TRERF1: variants seen among roughly 807,000 people sequenced by gnomAD.
TRERF1 encodes the protein transcriptional-regulating factor 1.
TRERF1 carries 27 observed loss-of-function variants against 122.9 expected under a neutral mutation model. The ratio of observed to expected loss-of-function variants is 0.22; its 90% CI spans 0.16 to 0.30. The LOEUF is 0.30. TRERF1 is among the 10% of genes least tolerant of loss of function. The pLI is 1.00. For missense variants in TRERF1, 1,248 were observed against 1,560.3 expected (o/e 0.80, Z 3.37); for synonymous variants, 636 against 641.7 (o/e 0.99, Z 0.13).
chr6:42,408,281 ACACATGTG>A (rs1314693666), intron 2 of TRERF1, among the ~76,000 whole-genome samples: 1 of 140,992 alleles, frequency 7.1e-6, no homozygotes, highest in East Asian at 2.0e-4. Context: ...ATATATACAT[ACACATGTG>A]TGTGTATGTA....
intron 13 of TRERF1, among the ~76,000 whole-genome samples, chr6:42,250,471 A>G (rs919758539): frequency 3.9e-5 from 6 of 152,164 alleles, no homozygotes; most frequent in African/African-American, 1.4e-4. Flanking sequence ...CCTCGTTCTT[A>G]GACAAGGTTC....
chr6:42,428,039 A>C (rs904118955), intron 2 of TRERF1, among the ~76,000 whole-genome samples: 2 of 152,148 alleles, frequency 1.3e-5, no homozygotes, highest in Non-Finnish European at 2.9e-5. Flanking sequence ...TTGGCATGAC[A>C]TCTAGGGCCG....
intron 3 of TRERF1, among the ~76,000 whole-genome samples, chr6:42,320,533 T>C (rs1183614353): frequency 1.5e-5 from 2 of 137,460 alleles, no homozygotes; most frequent in Non-Finnish European, 3.0e-5. Context: ...TGAGACTGAG[T>C]CTCGCTCTTT....
chr6:42,327,139 T>A (rs547283839), intron 3 of TRERF1, among the ~76,000 whole-genome samples: 2 of 152,294 alleles, frequency 1.3e-5, no homozygotes, highest in Admixed American at 6.5e-5. Flanking sequence ...TAGAGGTCAA[T>A]AGTGGCTGAT....
intron 2 of TRERF1, among the ~76,000 whole-genome samples, chr6:42,408,364 T>C (rs566656655): frequency 6.8e-5 from 6 of 88,646 alleles, no homozygotes; most frequent in East Asian, 3.3e-4. Context: ...TGTATATATA[T>C]ATATATATCT....
intron 16 of TRERF1, among the ~76,000 whole-genome samples, chr6:42,234,450 G>A (rs1374098789): frequency 6.6e-6 from 1 of 151,634 alleles, no homozygotes; most frequent in Non-Finnish European, 1.5e-5. Flanking sequence ...CGATTCTCCT[G>A]CCTTAGCCTC....
intron 2 of TRERF1, among the ~76,000 whole-genome samples, chr6:42,406,137 G>A (rs553312511): frequency 1.1e-4 from 17 of 152,220 alleles, no homozygotes; most frequent in Non-Finnish European, 2.1e-4. Flanking sequence ...AGAAACTGAG[G>A]CTCAGAAAAG....
intron 8 of TRERF1, among the ~76,000 whole-genome samples, chr6:42,261,435 G>A (rs1449824190): frequency 1.3e-5 from 2 of 152,136 alleles, no homozygotes; most frequent in African/African-American, 4.8e-5. Flanking sequence ...GTCATATATG[G>A]TTGTCACTTG....
intron 2 of TRERF1, among the ~76,000 whole-genome samples, chr6:42,450,201 G>A (rs1041468018): frequency 1.4e-4 from 22 of 152,154 alleles, no homozygotes; most frequent in Non-Finnish European, 1.5e-4. Flanking sequence ...ACTTCCTATC[G>A]CCAAACTCCT....
chr6:42,327,185 A>T (rs1362150356), intron 3 of TRERF1, among the ~76,000 whole-genome samples: 2 of 152,090 alleles, frequency 1.3e-5, no homozygotes, highest in Admixed American at 1.3e-4. Context: ...GGAGAAGGGG[A>T]TGTGCTTGTT....
intron 3 of TRERF1, among the ~76,000 whole-genome samples, chr6:42,304,067 T>C (rs1786723303): frequency 1.3e-5 from 2 of 152,124 alleles, no homozygotes; most frequent in Non-Finnish European, 1.5e-5. Flanking sequence ...TTGCCCTCCC[T>C]CCCAATGTAT....
At chr6:42,318,077 T>C (rs4714599) in intron 3 of TRERF1, among the ~76,000 whole-genome samples, 57,384 of 151,556 alleles carry the variant, frequency 0.38, 11,809 homozygotes, top group East Asian at 0.76. Flanking sequence ...TCGCTTGAAC[T>C]TGGGAGGTGG....
At chr6:42,423,377 C>T (rs138584513) in intron 2 of TRERF1, among the ~76,000 whole-genome samples, 4 of 152,270 alleles carry the variant, frequency 2.6e-5, no homozygotes, top group African/African-American at 7.2e-5. Context: ...AGAAAGTGCC[C>T]CTTTCTTACT....
intron 2 of TRERF1, among the ~76,000 whole-genome samples, 163 bp downstream of exon 2, chr6:42,451,014 G>A: frequency 6.6e-6 from 1 of 152,120 alleles, no homozygotes; most frequent in East Asian, 1.9e-4. Flanking sequence ...GGGAAGAAGG[G>A]AAGAAGGGAG....
chr6:42,434,703 C>T (rs1004498179), intron 2 of TRERF1, among the ~76,000 whole-genome samples: 3 of 151,686 alleles, frequency 2.0e-5, no homozygotes, highest in African/African-American at 7.3e-5. Context: ...CACACACACA[C>T]ACACACACCC....
intron 2 of TRERF1, among the ~76,000 whole-genome samples, chr6:42,371,020 G>A (rs1180126106): frequency 6.6e-6 from 1 of 152,184 alleles, no homozygotes; most frequent in African/African-American, 2.4e-5. Context: ...CCCACAACCT[G>A]TAAATCAGGA....
At chr6:42,424,955 T>C (rs571907629) in intron 2 of TRERF1, among the ~76,000 whole-genome samples, 1 of 152,340 alleles carries the variant, frequency 6.6e-6, no homozygotes, top group African/African-American at 2.4e-5. Context: ...ATCTGTTGAA[T>C]TAATGAATGC....
chr6:42,252,734 C>A (rs12194245), intron 13 of TRERF1, among the ~76,000 whole-genome samples: 1 of 152,142 alleles, frequency 6.6e-6, no homozygotes, highest in East Asian at 1.9e-4. Flanking sequence ...GCCTCCCCTG[C>A]GGCTTAGAAG....
At chr6:42,303,306 A>G (rs1195129917) in intron 3 of TRERF1, among the ~76,000 whole-genome samples, 1 of 152,226 alleles carries the variant, frequency 6.6e-6, no homozygotes, top group Non-Finnish European at 1.5e-5. Context: ...TCCCCTAAAG[A>G]AACATAGCTA....
Sources: allele counts gnomAD v4.1 joint callset (sites outside exome capture counted in the v4.1 genomes callset), GRCh38; gene constraint gnomAD v4.1.1; transcripts MANE v1.5; gene names NCBI Gene and HGNC (gene_info 2026-07-23, HGNC 2026-07-21).